SMURF2: variants seen among roughly 807,000 people sequenced by gnomAD.
The protein encoded by SMURF2 is SMAD specific E3 ubiquitin protein ligase 2, also known as E3 ubiquitin-protein ligase SMURF2.
Under a neutral mutation model 109.6 loss-of-function variants are expected in SMURF2, and 48 were observed. The ratio of observed to expected loss-of-function variants is 0.44; its 90% confidence interval spans 0.35 to 0.56. The LOEUF is 0.56. Among genes scored for constraint, SMURF2 ranks in the 20% least tolerant of loss-of-function variants. The probability of loss-of-function intolerance (pLI) is 0.01; values close to 1 mark genes in which losing one functional copy is unlikely to be tolerated. For missense variants in SMURF2, 575 were observed against 909.0 expected (o/e 0.63, Z 4.72); for synonymous variants, 288 against 317.1 (o/e 0.91, Z 0.97).
chr17:64,599,966 C>T (rs568025420), intron 2 of SMURF2, among the ~76,000 whole-genome samples: 1 of 152,226 alleles, frequency 6.6e-6, no homozygotes, highest in South Asian at 2.1e-4. Flanking sequence ...ATATGACTGA[C>T]CCAGTAAGAG....
At position 64,562,992 on chromosome 17, in the gene SMURF2, T is replaced by C. The variant is rs182448773; in HGVS notation, c.1017-26A>G. 1.1e-5 allele frequency: 17 copies of C among 1,556,944 alleles called. No homozygotes were observed. In the Admixed American group the frequency reaches 2.7e-4, roughly 24 times the overall value. On this transcript the variant is annotated intron_variant, in intron 10 of 18. Transcript: ENST00000262435. ...CTAGAAGTAAACATAGATGTTATTATTAAAGTATATCAAATTTTAAAAATT... is the reference window on the plus strand; with the variant it reads ...CTAGAAGTAAACATAGATGTTATTACTAAAGTATATCAAATTTTAAAAATT...
chr17:64,602,361 T>A (rs1969910014), intron 2 of SMURF2, among the ~76,000 whole-genome samples: 1 of 152,170 alleles, frequency 6.6e-6, no homozygotes, highest in African/African-American at 2.4e-5. Flanking sequence ...AACAATTTTT[T>A]CCATACAAAA....
At chr17:64,566,561 G>GTTTGTTT (rs1969305868) in intron 10 of SMURF2, among the ~76,000 whole-genome samples, 6 of 43,804 alleles carry the variant, frequency 1.4e-4, no homozygotes, top group African/African-American at 4.5e-4. Flanking sequence ...AAGCTTTCTG[G>GTTTGTTT]TTTTTTTTTT....
At chr17:64,569,655 T>C (rs1450260882) in intron 10 of SMURF2, among the ~76,000 whole-genome samples, 1 of 152,148 alleles carries the variant, frequency 6.6e-6, no homozygotes, top group Non-Finnish European at 1.5e-5. Context: ...CCATTAAACA[T>C]CATCAGAACA....
chr17:64,606,615 T>A lies in SMURF2; in HGVS notation c.78A>T (p.Lys26Asn). Residue 26 changes from lysine to asparagine, a missense_variant, in exon 2 of 19, where the codon AAA becomes AAT. By Grantham distance (94) the Lys-to-Asn change is moderately conservative. Around this residue, in one of 5 missense-constraint regions of SMURF2, gnomAD observed 30 missense variants for 34.5 expected, o/e 0.87. Coordinates refer to ENST00000262435, the MANE Select transcript of SMURF2 (RefSeq NM_022739.4). Reference protein sequence around the residue: ...LTVLCAKNLVKKDFFRLPDPF... With the variant: ...LTVLCAKNLVNKDFFRLPDPF... The stretch of plus-strand genomic sequence containing the variant: ...TAATTTACTTACGGAAAAAATCCTT[T>A]TTCACCAGGTTTTTTGCACAGAGTA... 6.5e-7 allele frequency: 1 copy of A among 1,548,910 alleles called. No homozygotes were observed. The highest frequency in any genetic ancestry group is 8.8e-7 in the Non-Finnish European group (1 of 1,142,200).
chr17:64,637,169 C>T (rs1970428597), intron 1 of SMURF2, among the ~76,000 whole-genome samples: 1 of 151,710 alleles, frequency 6.6e-6, no homozygotes, highest in South Asian at 2.1e-4. Context: ...CTCTGTCACC[C>T]AGGCTGGAGT....
intron 4 of SMURF2, 123 bp downstream of exon 4, chr17:64,593,317 A>G (rs1969774007): frequency 1.4e-6 from 1 of 729,272 alleles, no homozygotes; most frequent in East Asian, 4.1e-5. Flanking sequence ...AAATATATAT[A>G]TTATTTTTAA....
At chr17:64,611,531 T>C (rs1227764565) in intron 1 of SMURF2, among the ~76,000 whole-genome samples, 1 of 152,046 alleles carries the variant, frequency 6.6e-6, no homozygotes. Context: ...AAGTCAGAAA[T>C]CTCCATAGCA....
chr17:64,564,861 G>A (rs1250309306), intron 10 of SMURF2, among the ~76,000 whole-genome samples: 1 of 152,108 alleles, frequency 6.6e-6, no homozygotes, highest in African/African-American at 2.4e-5. Context: ...CATCCAGTTC[G>A]TGGTATTTTG....
At chr17:64,579,031 A>G (rs1471591353) in intron 8 of SMURF2, among the ~76,000 whole-genome samples, 1 of 152,240 alleles carries the variant, frequency 6.6e-6, no homozygotes, top group Non-Finnish European at 1.5e-5. Context: ...TGCTAGACAA[A>G]GGTATATTCT....
rs552522052 is a variant in SMURF2, at chr17:64,625,955, A to G, written c.53-19315T>C. On this transcript the variant is annotated intron_variant, in intron 1 of 18. Coordinates refer to ENST00000262435, the MANE Select transcript of SMURF2 (RefSeq NM_022739.4). ...GCTCATCCACATACTCTTCCAAATGATTCTACATTAAGAACCTCATTAAAG... is the reference window on the plus strand; with the variant it reads ...GCTCATCCACATACTCTTCCAAATGGTTCTACATTAAGAACCTCATTAAAG... Among the ~76,000 whole-genome samples, 7 of 152,292 alleles carry G rather than the reference A, an allele frequency of 4.6e-5. No homozygotes were observed. The South Asian group carries it at 1.4e-3, about 32-fold the overall frequency.
At chr17:64,554,029 A>G (rs1969082731) in intron 15 of SMURF2, among the ~76,000 whole-genome samples, 1 of 152,246 alleles carries the variant, frequency 6.6e-6, no homozygotes, top group African/African-American at 2.4e-5. Flanking sequence ...AATTAGCCCA[A>G]TACATAAAAA....
chr17:64,584,732 T>A (rs1179150523), intron 6 of SMURF2, among the ~76,000 whole-genome samples: 1 of 152,148 alleles, frequency 6.6e-6, no homozygotes, highest in Non-Finnish European at 1.5e-5. Flanking sequence ...AGAAATGTGA[T>A]AATGTTAATA....
intron 10 of SMURF2, among the ~76,000 whole-genome samples, chr17:64,566,630 G>A (rs1303525059): frequency 7.8e-6 from 1 of 128,146 alleles, no homozygotes; most frequent in Non-Finnish European, 1.6e-5. Flanking sequence ...GGAGTGCAGT[G>A]GCGCAATCTC....
intron 1 of SMURF2, among the ~76,000 whole-genome samples, chr17:64,653,212 A>G (rs1284387208): frequency 1.3e-5 from 2 of 152,164 alleles, no homozygotes. Context: ...TCAATAAGAA[A>G]ACAATCCAAT....
In SMURF2 at chr17:64,661,884, CCCGGCGGCG is replaced by C; in HGVS notation, c.-13_-5del. On this transcript the variant is annotated 5_prime_UTR_variant, in exon 1 of 19. Transcript: ENST00000262435. ...TCCGGCCTCCGGGGTTAGACATGTC[CCCGGCGGCG>C]GGGGCGGCGGGGGCGGCGGGCGGCA... 8.3e-7 allele frequency: 1 copy of C among 1,203,080 alleles called. No individual in the cohort carries two copies. The highest frequency in any genetic ancestry group is 1.0e-6 in the Non-Finnish European group (1 of 971,212). 74.5% of individuals were successfully genotyped at this position (1,203,080 alleles called of 1,614,324 possible). A position where few individuals can be genotyped will look rare whatever the true frequency, so the allele number is the denominator to read the frequency against.
rs1284345657 is a variant in SMURF2, at chr17:64,648,367, G to C, written c.52+13462C>G. 2.0e-5 allele frequency among the ~76,000 whole-genome samples: 3 copies of C among 152,072 alleles called. No homozygotes were observed. The East Asian group carries it at 5.8e-4, about 29-fold the overall frequency. Reference sequence around the variant, plus strand: ...CAGTCCTATATCTTTATAACTTAATGATGTTGAAATTACTAAGGTATAAAT... The same window carrying C: ...CAGTCCTATATCTTTATAACTTAATCATGTTGAAATTACTAAGGTATAAAT... On this transcript the variant is annotated intron_variant, in intron 1 of 18. Coordinates refer to ENST00000262435, the MANE Select transcript of SMURF2 (RefSeq NM_022739.4).
intron 4 of SMURF2, 119 bp downstream of exon 4, chr17:64,593,320 AT>A (rs1969774048): frequency 1.3e-6 from 1 of 764,836 alleles, no homozygotes; most frequent in African/African-American, 1.8e-5. Flanking sequence ...TATATATATT[AT>A]TTTTAAATAT....
At chr17:64,560,197 T>G (rs1969192097) in intron 12 of SMURF2, among the ~76,000 whole-genome samples, 1 of 151,972 alleles carries the variant, frequency 6.6e-6, no homozygotes, top group Non-Finnish European at 1.5e-5. Context: ...GGAGCCTGGG[T>G]GACAGAGTGA....
Sources: gnomAD v4.1 joint callset for allele counts (sites outside exome capture counted in the v4.1 genomes callset) on GRCh38, gnomAD v4.1.1 for gene constraint, gnomAD v4.1.1 regional missense constraint, MANE v1.5 for transcripts, NCBI Gene and HGNC (gene_info 2026-07-23, HGNC 2026-07-21) for gene names.